The following CALD1 variants were observed in gnomAD, a reference collection of about 807,000 sequenced individuals.
CALD1 encodes caldesmon 1.
CALD1 carries 33 observed loss-of-function variants against 99.9 expected under a neutral mutation model. The ratio of observed to expected loss-of-function variants is 0.33; its 90% CI spans 0.25 to 0.44. The LOEUF is 0.44. Among genes scored for constraint, CALD1 ranks in the 20% least tolerant of loss-of-function variants. The pLI is 1.00. For synonymous variants in CALD1, 310 were observed against 325.0 expected (o/e 0.95, Z 0.50); for missense variants, 861 against 962.1 (o/e 0.89, Z 1.39).
intron 1 of CALD1, among the ~76,000 whole-genome samples, chr7:134,800,661 CAG>C (rs1031250238): frequency 3.3e-5 from 5 of 152,092 alleles, no homozygotes; most frequent in African/African-American, 1.2e-4. Context: ...AATCTAGTCA[CAG>C]AGATTTCTAT....
rs17168093 is a variant in CALD1 at position 134,845,188 on chromosome 7, T to G, written c.-42+1217T>G. On this transcript the variant is annotated intron_variant, in intron 2 of 14. Coordinates refer to ENST00000361675, the MANE Select transcript of CALD1 (RefSeq NM_033138.4). ...GTACAGCTCTCATTTCCCTATGACA[T>G]TCTATAAATTCTGAAATCAGAGAGT... Among the ~76,000 whole-genome samples the G allele has an allele frequency of 4.2e-3, 647 of 152,276 alleles. 4 individuals are homozygous for G. Among genetic ancestry groups the G allele is most frequent in the African/African-American group, 0.015 (624 of 41,544 alleles).
At chr7:134,742,221 T>C (rs1420942090), upstream of CALD1, among the ~76,000 whole-genome samples, 1 of 152,236 alleles carries the variant, frequency 6.6e-6, no homozygotes, top group Non-Finnish European at 1.5e-5. Context: ...GGGTTCTTGG[T>C]TCCCAAGGTG....
chr7:134,894,689 C>T (rs553893268), intron 3 of CALD1, among the ~76,000 whole-genome samples: 4 of 152,230 alleles, frequency 2.6e-5, no homozygotes, highest in South Asian at 2.1e-4. Context: ...TACACAAGGG[C>T]CATGTTATTT....
At chr7:134,786,588 G>A (rs1315815789) in intron 1 of CALD1, among the ~76,000 whole-genome samples, 5 of 152,126 alleles carry the variant, frequency 3.3e-5, no homozygotes, top group Non-Finnish European at 7.4e-5. Context: ...ATAAGGACAG[G>A]AACCTCTATT....
chr7:134,855,140 A>G (rs1335389561), intron 2 of CALD1, among the ~76,000 whole-genome samples: 1 of 152,216 alleles, frequency 6.6e-6, no homozygotes, highest in Non-Finnish European at 1.5e-5. Context: ...TAAATTACAC[A>G]GTCTCAGATG....
At chr7:134,945,095 G>A (rs1806753580) in intron 7 of CALD1, among the ~76,000 whole-genome samples, 1 of 152,208 alleles carries the variant, frequency 6.6e-6, no homozygotes, top group Admixed American at 6.5e-5. Context: ...TCTTGGGATA[G>A]CATTCTGTCT....
At chr7:134,741,751 A>C (rs901336222), upstream of CALD1, among the ~76,000 whole-genome samples, 1 of 152,198 alleles carries the variant, frequency 6.6e-6, no homozygotes, top group African/African-American at 2.4e-5. Flanking sequence ...AGCCATTTTT[A>C]AAAACCTGGA....
chr7:134,960,835 A>C, intron 13 of CALD1: 1 of 494,266 alleles, frequency 2.0e-6, no homozygotes, highest in Non-Finnish European at 3.6e-6. Flanking sequence ...GGAACCAAAT[A>C]ATCACCTCTA....
chr7:134,745,640 C>T (rs1170477432), intron 1 of CALD1: 5 of 152,172 alleles, frequency 3.3e-5, no homozygotes, highest in South Asian at 2.1e-4. Flanking sequence ...GGGCAATTGC[C>T]GTTCAGCTCT....
intron 1 of CALD1, among the ~76,000 whole-genome samples, chr7:134,842,429 T>C (rs1227422026): frequency 1.3e-5 from 2 of 152,248 alleles, no homozygotes; most frequent in Non-Finnish European, 2.9e-5. Flanking sequence ...GTTATTATTA[T>C]TATTTCCATA....
chr7:134,955,451 T>C lies in CALD1; in HGVS notation c.1936-2618T>C, dbSNP rs190292440. ...CTTAGGTTGCCATAACAAAATACCA[T>C]AGACTGGATGGATTAAACAATAGAA... On this transcript the variant is annotated intron_variant, in intron 9 of 14. Coordinates refer to ENST00000361675, the MANE Select transcript of CALD1 (RefSeq NM_033138.4). Among the ~76,000 whole-genome samples, 6 of 152,284 alleles carry C rather than the reference T, an allele frequency of 3.9e-5. No individual in the cohort carries two copies. In the East Asian group the frequency reaches 7.7e-4, roughly 20 times the overall value.
chr7:134,946,508 G>A (rs984971973), intron 7 of CALD1, among the ~76,000 whole-genome samples: 4 of 152,028 alleles, frequency 2.6e-5, no homozygotes, highest in African/African-American at 7.2e-5. Flanking sequence ...TCTGCCTCTG[G>A]TAACTACAGT....
At chr7:134,930,793 C>A (rs1805463094) in intron 4 of CALD1, among the ~76,000 whole-genome samples, 1 of 152,178 alleles carries the variant, frequency 6.6e-6, no homozygotes, top group African/African-American at 2.4e-5. Context: ...AATGCAGTGT[C>A]TTACACATAG....
Position 134,969,507 on chromosome 7 carries a change from C to A in CALD1, c.*1162C>A, listed in dbSNP as rs886834643. ...ACAGACAGAAATTCCATGTATGAGT[C>A]TCAACAAAGACTACCTTTGGCTAAA... On this transcript the variant is annotated 3_prime_UTR_variant, in exon 15 of 15. Coordinates refer to ENST00000361675, the MANE Select transcript of CALD1 (RefSeq NM_033138.4). 4 of 152,136 alleles carry A rather than the reference C, an allele frequency of 2.6e-5. No individual in the cohort carries two copies. Among genetic ancestry groups the A allele is most frequent in the Non-Finnish European group, 5.9e-5 (4 of 68,032 alleles). The allele number at this position is 152,136 out of a possible 1,614,324, so 9.4% of individuals were successfully genotyped here. A position where few individuals can be genotyped will look rare whatever the true frequency, so the allele number is the denominator to read the frequency against.
intron 9 of CALD1, among the ~76,000 whole-genome samples, chr7:134,956,284 C>A (rs1807768665): frequency 6.6e-6 from 1 of 151,794 alleles, no homozygotes; most frequent in Admixed American, 6.6e-5. Flanking sequence ...CTCATGAATC[C>A]CAGACCAGTC....
At chr7:134,946,102 A>G (rs561310279) in intron 7 of CALD1, among the ~76,000 whole-genome samples, 1 of 152,048 alleles carries the variant, frequency 6.6e-6, no homozygotes, top group Non-Finnish European at 1.5e-5. Context: ...AGACTTTTGA[A>G]CTCATTCACA....
intron 3 of CALD1, among the ~76,000 whole-genome samples, chr7:134,917,597 A>T (rs1804310774): frequency 6.6e-6 from 1 of 151,986 alleles, no homozygotes. Context: ...TGATCCACCC[A>T]CCTTGGCATC....
chr7:134,749,341 C>T (rs945453364), intron 1 of CALD1, among the ~76,000 whole-genome samples: 3 of 152,112 alleles, frequency 2.0e-5, no homozygotes, highest in Non-Finnish European at 2.9e-5. Context: ...GGCCAGGGGC[C>T]GGGCATGGTG....
intron 3 of CALD1, among the ~76,000 whole-genome samples, chr7:134,902,081 T>A (rs749389064): frequency 1.3e-5 from 2 of 152,112 alleles, no homozygotes; most frequent in Non-Finnish European, 2.9e-5. Context: ...GGGCACAATC[T>A]CCACACATTG....
Sources: allele counts gnomAD v4.1 joint callset (sites outside exome capture counted in the v4.1 genomes callset), GRCh38; gene constraint gnomAD v4.1.1; transcripts MANE v1.5; gene names NCBI Gene and HGNC (gene_info 2026-07-23, HGNC 2026-07-21).